FRMD4B: variants seen among roughly 807,000 people sequenced by gnomAD.
The protein encoded by FRMD4B is FERM domain-containing protein 4B.
Under a neutral mutation model 141.5 loss-of-function variants are expected in FRMD4B, and 74 were observed. That is an observed-to-expected ratio of 0.52 (90% CI 0.43 to 0.63). The LOEUF (loss-of-function observed/expected upper bound fraction) is 0.63. FRMD4B is among the 30% of genes least tolerant of loss of function. FRMD4B has a pLI of 0.00. For missense variants in FRMD4B, 1,366 were observed against 1,253.4 expected, an observed-to-expected ratio of 1.09 and a Z score of -1.36; for synonymous variants, 506 against 467.9, an observed-to-expected ratio of 1.08 and a Z score of -1.05.
chr3:69,455,366 C>T (rs1014890575), intron 1 of FRMD4B, among the ~76,000 whole-genome samples: 2 of 152,194 alleles, frequency 1.3e-5, no homozygotes, highest in South Asian at 2.1e-4. Flanking sequence ...TCTGCACTGC[C>T]TTTATGAGCT....
At chr3:69,172,478 C>A (rs993113464) in intron 22 of FRMD4B, among the ~76,000 whole-genome samples, 1 of 152,006 alleles carries the variant, frequency 6.6e-6, no homozygotes, top group South Asian at 2.1e-4. Context: ...AAATCTTCGG[C>A]CCATGTCCAT....
In FRMD4B at chr3:69,537,783, T is replaced by C. The variant is rs528711952; in HGVS notation, c.-129+4423A>G. On this transcript the variant is annotated intron_variant, in intron 1 of 5. Coordinates refer to the FRMD4B transcript ENST00000459638. ...TACAATTCAGCTCATTTTCCATTAT[T>C]TGGGGCATCAAAAAGAAGAGAAATC... Among the ~76,000 whole-genome samples the C allele has an allele frequency of 1.8e-3, 273 of 152,354 alleles. 5 individuals carry two copies. The highest frequency in any genetic ancestry group is 2.2e-4 in the Non-Finnish European group (15 of 68,032).
chr3:69,536,231 G>C, intron 1 of FRMD4B: 1 of 602,476 alleles, frequency 1.7e-6, no homozygotes. Flanking sequence ...TGGTTTCTTG[G>C]CGTCCTTCCC....
At chr3:69,178,067 C>T (rs536155854) in intron 21 of FRMD4B, among the ~76,000 whole-genome samples, 4 of 152,254 alleles carry the variant, frequency 2.6e-5, no homozygotes, top group East Asian at 1.9e-4. Context: ...CATCACTGGG[C>T]GTTTGTTGTC....
intron 22 of FRMD4B, 97 bp from the exon 23 acceptor site, chr3:69,172,078 G>A: frequency 4.2e-6 from 5 of 1,192,022 alleles, no homozygotes; most frequent in Non-Finnish European, 6.0e-6. Context: ...AGGAAGCACT[G>A]TTAAGAAAAA....
chr3:69,461,325 G>C (rs1016524483), intron 1 of FRMD4B, among the ~76,000 whole-genome samples: 1 of 152,148 alleles, frequency 6.6e-6, no homozygotes, highest in African/African-American at 2.4e-5. Context: ...GGAAGGCCAA[G>C]GTGGGCCGAG....
chr3:69,528,356 TTCTC>T (rs1208097307), intron 1 of FRMD4B, among the ~76,000 whole-genome samples: 2 of 151,214 alleles, frequency 1.3e-5, no homozygotes, highest in Non-Finnish European at 2.9e-5. Context: ...TCCTTTTCCT[TTCTC>T]TCTCTCTTTT....
intron 5 of FRMD4B, among the ~76,000 whole-genome samples, chr3:69,286,046 A>G (rs2107055869): frequency 6.6e-6 from 1 of 152,304 alleles, no homozygotes; most frequent in East Asian, 1.9e-4. Flanking sequence ...CAAGAATCCT[A>G]TATCATGTGA....
At chr3:69,327,999 A>G (rs1702239003) in intron 1 of FRMD4B, among the ~76,000 whole-genome samples, 1 of 152,224 alleles carries the variant, frequency 6.6e-6, no homozygotes, top group Non-Finnish European at 1.5e-5. Context: ...ACTGGAAGCC[A>G]CAGGTCAGGA....
chr3:69,345,465 G>A (rs986933423), intron 1 of FRMD4B, among the ~76,000 whole-genome samples: 2 of 152,200 alleles, frequency 1.3e-5, no homozygotes, highest in Non-Finnish European at 2.9e-5. Context: ...AAATGTCCCT[G>A]TCTGACAGCT....
chr3:69,399,410 C>G (rs937085330), intron 2 of FRMD4B, among the ~76,000 whole-genome samples: 3 of 152,228 alleles, frequency 2.0e-5, no homozygotes, highest in Admixed American at 6.5e-5. Flanking sequence ...GCCACTGTCT[C>G]AATTTGTATC....
intron 7 of FRMD4B, among the ~76,000 whole-genome samples, chr3:69,231,168 G>C (rs1248479373): frequency 6.6e-6 from 1 of 152,222 alleles, no homozygotes; most frequent in African/African-American, 2.4e-5. Context: ...CATAGAGTCA[G>C]AATGCCCATG....
At chr3:69,326,033 C>T (rs914108575) in intron 1 of FRMD4B, among the ~76,000 whole-genome samples, 1 of 152,126 alleles carries the variant, frequency 6.6e-6, no homozygotes, top group Non-Finnish European at 1.5e-5. Flanking sequence ...ACTGTAGCTT[C>T]AGCCTCCTGG....
At chr3:69,454,611 C>T (rs996215721) in intron 1 of FRMD4B, among the ~76,000 whole-genome samples, 5 of 152,216 alleles carry the variant, frequency 3.3e-5, no homozygotes, top group African/African-American at 1.2e-4. Flanking sequence ...TGCCGGGTCC[C>T]CCAGCACTGC....
chr3:69,400,331 A>G (rs1447745096), intron 2 of FRMD4B, among the ~76,000 whole-genome samples: 1 of 152,030 alleles, frequency 6.6e-6, no homozygotes, highest in Non-Finnish European at 1.5e-5. Flanking sequence ...GCTATGAGCT[A>G]TGATCACTCC....
chr3:69,356,615 G>A (rs1331185117), intron 1 of FRMD4B, among the ~76,000 whole-genome samples: 4 of 147,690 alleles, frequency 2.7e-5, no homozygotes, highest in South Asian at 2.1e-4. Flanking sequence ...ATACACACAC[G>A]TATATATACA....
intron 5 of FRMD4B, among the ~76,000 whole-genome samples, chr3:69,286,091 C>T (rs758881878): frequency 3.3e-5 from 5 of 152,118 alleles, no homozygotes; most frequent in African/African-American, 1.2e-4. Context: ...ATAAAGATGT[C>T]TTCAGGTACA....
intron 11 of FRMD4B, among the ~76,000 whole-genome samples, chr3:69,211,593 A>G (rs2093080419): frequency 6.6e-6 from 1 of 152,208 alleles, no homozygotes; most frequent in South Asian, 2.1e-4. Context: ...GCCTTTCGGC[A>G]TCAGTTTTCT....
intron 3 of FRMD4B, among the ~76,000 whole-genome samples, chr3:69,304,657 A>G (rs1701336214): frequency 6.6e-6 from 1 of 152,156 alleles, no homozygotes; most frequent in Admixed American, 6.6e-5. Flanking sequence ...TGAGGGATCA[A>G]AAGGATTGAT....
Sources: allele counts gnomAD v4.1 joint callset (sites outside exome capture counted in the v4.1 genomes callset), GRCh38; gene constraint gnomAD v4.1.1; transcripts MANE v1.5; gene names NCBI Gene and HGNC (gene_info 2026-07-23, HGNC 2026-07-21).